Variants in ROBO2 observed in about 807,000 individuals in gnomAD.
The protein encoded by ROBO2 is roundabout homolog 2.
In ROBO2, 53 loss-of-function variants were observed where a neutral mutation model predicts 160.8. The ratio of observed to expected loss-of-function variants is 0.33; its 90% CI spans 0.26 to 0.41. The LOEUF (loss-of-function observed/expected upper bound fraction) is 0.41, where lower values mean the gene tolerates loss of function less well. Among genes scored for constraint, ROBO2 ranks in the 10% least tolerant of loss-of-function variants. ROBO2 has a pLI of 1.00. For synonymous variants in ROBO2, 664 were observed against 611.7 expected (o/e 1.09, Z -1.26); for missense variants, 1,577 against 1,722.4 (o/e 0.92, Z 1.49).
chr3:77,397,428 G>A (rs571874169), intron 2 of ROBO2, among the ~76,000 whole-genome samples: 10 of 152,196 alleles, frequency 6.6e-5, no homozygotes, highest in South Asian at 6.2e-4. Context: ...GAACAATCCC[G>A]TCTTCATGAG....
At chr3:76,395,142 C>T (rs571880268) in intron 2 of ROBO2, among the ~76,000 whole-genome samples, 3 of 151,810 alleles carry the variant, frequency 2.0e-5, no homozygotes, top group African/African-American at 7.3e-5. Flanking sequence ...GACCACAGTG[C>T]AATCAAACTA....
chr3:76,165,283 T>A (rs1234536029), intron 2 of ROBO2, among the ~76,000 whole-genome samples: 1 of 152,134 alleles, frequency 6.6e-6, no homozygotes, highest in Non-Finnish European at 1.5e-5. Context: ...TCACCTTGCG[T>A]TTTTATGTTA....
At chr3:76,922,202 T>C (rs924875690) in intron 2 of ROBO2, among the ~76,000 whole-genome samples, 48 of 152,178 alleles carry the variant, frequency 3.2e-4, no homozygotes, top group African/African-American at 1.2e-3. Flanking sequence ...TCCCAGCTAC[T>C]CGGGAGGCTG....
intron 24 of ROBO2, 92 bp downstream of exon 25, chr3:77,635,135 C>A: frequency 7.1e-7 from 1 of 1,400,502 alleles, no homozygotes; most frequent in Non-Finnish European, 9.9e-7. Flanking sequence ...GGTAGATTAG[C>A]CATTGCTTCA....
intron 2 of ROBO2, among the ~76,000 whole-genome samples, chr3:76,239,726 T>C (rs1471730197): frequency 6.6e-6 from 1 of 152,180 alleles, no homozygotes; most frequent in East Asian, 1.9e-4. Flanking sequence ...AAAACAATCA[T>C]TGACACTTAC....
intron 2 of ROBO2, among the ~76,000 whole-genome samples, chr3:77,315,392 A>G (rs759294709): frequency 3.9e-5 from 6 of 152,218 alleles, no homozygotes; most frequent in Non-Finnish European, 7.3e-5. Flanking sequence ...GAATTCCAAC[A>G]AGTCTGGGCT....
intron 2 of ROBO2, among the ~76,000 whole-genome samples, chr3:76,055,969 G>C (rs535062540): frequency 2.6e-5 from 4 of 152,156 alleles, no homozygotes; most frequent in African/African-American, 9.6e-5. Context: ...AATTTTACTA[G>C]TTTTTGTGAC....
intron 2 of ROBO2, among the ~76,000 whole-genome samples, chr3:76,484,940 G>C (rs560501730): frequency 2.6e-5 from 4 of 152,008 alleles, no homozygotes; most frequent in South Asian, 4.2e-4. Flanking sequence ...GGCCCTATTT[G>C]GTCAACTATC....
chr3:76,201,135 A>AT (rs1362726634), intron 2 of ROBO2, among the ~76,000 whole-genome samples: 4 of 152,044 alleles, frequency 2.6e-5, no homozygotes, highest in African/African-American at 9.7e-5. Flanking sequence ...AATGGTTTTA[A>AT]TTTTTTTCTG....
chr3:76,568,992 G>GTTTA (rs1285985042), intron 2 of ROBO2, among the ~76,000 whole-genome samples: 1 of 152,136 alleles, frequency 6.6e-6, no homozygotes, highest in African/African-American at 2.4e-5. Flanking sequence ...ACATAATGCT[G>GTTTA]TTTAATATTT....
chr3:76,622,403 T>C (rs1445170294), intron 2 of ROBO2, among the ~76,000 whole-genome samples: 1 of 151,924 alleles, frequency 6.6e-6, no homozygotes, highest in Admixed American at 6.6e-5. Flanking sequence ...AGTTCAAGGA[T>C]AGCATGAGCC....
At chr3:76,188,442 A>G (rs1030326785) in intron 2 of ROBO2, among the ~76,000 whole-genome samples, 2 of 152,056 alleles carry the variant, frequency 1.3e-5, no homozygotes, top group Non-Finnish European at 2.9e-5. Context: ...CCAAGGAATA[A>G]CAAGGATTGC....
chr3:76,044,916 T>C (rs1390481949), intron 2 of ROBO2, among the ~76,000 whole-genome samples: 1 of 151,986 alleles, frequency 6.6e-6, no homozygotes, highest in Non-Finnish European at 1.5e-5. Flanking sequence ...ATAAATAGAA[T>C]GTGCAAAGGC....
chr3:76,818,065 G>A (rs1191619483), intron 2 of ROBO2, among the ~76,000 whole-genome samples: 1 of 151,934 alleles, frequency 6.6e-6, no homozygotes, highest in African/African-American at 2.4e-5. Flanking sequence ...AGTTCTTTAA[G>A]GAATCTCCAC....
intron 2 of ROBO2, among the ~76,000 whole-genome samples, chr3:76,217,018 G>A (rs377211541): frequency 2.0e-4 from 30 of 152,150 alleles, no homozygotes; most frequent in Middle Eastern, 3.4e-3. Flanking sequence ...ACTCAAAACC[G>A]CTCAACTACA....
intron 2 of ROBO2, among the ~76,000 whole-genome samples, chr3:76,842,656 C>T (rs1020816529): frequency 1.3e-5 from 2 of 151,970 alleles, no homozygotes; most frequent in Non-Finnish European, 2.9e-5. Flanking sequence ...ATGCGAGAAC[C>T]GATATTGTTA....
chr3:75,915,213 A>G (rs1256182291), intron 1 of ROBO2, among the ~76,000 whole-genome samples: 1 of 152,214 alleles, frequency 6.6e-6, no homozygotes, highest in Non-Finnish European at 1.5e-5. Flanking sequence ...AAGCTTATAG[A>G]AGATAGAAAG....
Position 76,796,507 on chromosome 3 carries a change from G to A in ROBO2, c.110-301507G>A, listed in dbSNP as rs201278088. Among the ~76,000 whole-genome samples, 126 of 112,658 alleles carry A rather than the reference G, an allele frequency of 1.1e-3. 1 individual carries two copies. Among genetic ancestry groups the A allele is most frequent in the African/African-American group, 5.2e-3 (123 of 23,604 alleles). 73.9% of individuals were successfully genotyped at this position (112,658 alleles called of 152,430 possible). ...GGGAAGGAAGGAAGGAAGGAAAGAA[G>A]GAAAGAAGGAAGGAAGGAAGGAAGG... On this transcript the variant is annotated intron_variant, in intron 2 of 26. Transcript: ENST00000487694.
intron 5 of ROBO2, among the ~76,000 whole-genome samples, chr3:77,506,752 C>T (rs2088590260): frequency 6.6e-6 from 1 of 152,020 alleles, no homozygotes; most frequent in Non-Finnish European, 1.5e-5. Context: ...GGGCATTGCT[C>T]AAGTAGTTAT....
Sources: gnomAD v4.1 joint callset for allele counts (sites outside exome capture counted in the v4.1 genomes callset) on GRCh38, gnomAD v4.1.1 for gene constraint, MANE v1.5 for transcripts, NCBI Gene and HGNC (gene_info 2026-07-23, HGNC 2026-07-21) for gene names.